CYLD: variants seen among roughly 807,000 people sequenced by gnomAD.
The protein encoded by CYLD is ubiquitin carboxyl-terminal hydrolase CYLD.
A neutral mutation model predicts 104.5 loss-of-function variants in CYLD; 26 were observed. The ratio of observed to expected loss-of-function variants is 0.25; its 90% CI spans 0.18 to 0.35. CYLD has a LOEUF of 0.35. CYLD is among the 10% of genes least tolerant of loss of function. CYLD has a pLI of 1.00. For missense variants in CYLD, 703 were observed against 1,136.1 expected, an observed-to-expected ratio of 0.62 and a Z score of 5.48; for synonymous variants, 385 against 399.9, an observed-to-expected ratio of 0.96 and a Z score of 0.45.
At position 50,796,491 on chromosome 16, in the gene CYLD, A is replaced by G; in HGVS notation, c.2854A>G (p.Met952Val). Residue 952 changes from methionine to valine, a missense_variant, in exon 19 of 19, where the codon ATG becomes GTG. By Grantham distance (21) the Met-to-Val change is conservative. Coordinates refer to ENST00000427738, the MANE Select transcript of CYLD (RefSeq NM_001378743.1). ...AYMCMYQSPT[M>V]SLYK ...TATGTGCATGTACCAGAGTCCAACAATGAGTTTGTACAAATAACTGGGGTC... is the reference window on the plus strand; with the variant it reads ...TATGTGCATGTACCAGAGTCCAACAGTGAGTTTGTACAAATAACTGGGGTC... 1 of 1,613,526 alleles carries G rather than the reference A, an allele frequency of 6.2e-7. No homozygotes were observed. The highest frequency in any genetic ancestry group is 8.5e-7 in the Non-Finnish European group (1 of 1,180,000).
At position 50,799,163 on chromosome 16, in the gene CYLD, T is replaced by TA. The variant is rs1355813698; in HGVS notation, c.*2656dup. On this transcript the variant is annotated 3_prime_UTR_variant, in exon 19 of 19. Coordinates refer to ENST00000427738, the MANE Select transcript of CYLD (RefSeq NM_001378743.1). ...CTATTTAAAGGTTTTGGTTATCTTT[T>TA]ATTCCTTATCTACAATCAAGATGAC... 1 of 233,334 alleles carries TA rather than the reference T, an allele frequency of 4.3e-6. No homozygotes were observed. The highest frequency in any genetic ancestry group is 8.5e-6 in the Non-Finnish European group (1 of 118,070). 14.5% of individuals were successfully genotyped at this position (233,334 alleles called of 1,614,324 possible).
chr16:50,749,712 T>A lies in CYLD; in HGVS notation c.14T>A (p.Leu5Ter). The A allele has an allele frequency of 1.2e-6, 2 of 1,613,654 alleles. No homozygotes were observed. Among genetic ancestry groups the A allele is most frequent in the Non-Finnish European group, 1.7e-6 (2 of 1,179,968 alleles). The part of the protein sequence containing the change: MSSG[L>*]WSQEKVTSPY... ...GTTAATATCACAATGAGTTCAGGCT[T>A]ATGGAGCCAAGAAAAAGTCACTTCA... The change falls in exon 3 of 19, where the codon TTA (leucine) becomes TAA (stop). Residue 5 changes from leucine to a stop codon, truncating the protein, a stop_gained. Coordinates refer to ENST00000427738, the MANE Select transcript of CYLD (RefSeq NM_001378743.1). LOFTEE classifies it high-confidence loss of function.
intron 14 of CYLD, among the ~76,000 whole-genome samples, chr16:50,790,159 A>C (rs1971285277): frequency 6.6e-6 from 1 of 152,260 alleles, no homozygotes; most frequent in African/African-American, 2.4e-5. Context: ...GAATAAAAAT[A>C]TTCAGAATTT....
intron 5 of CYLD, among the ~76,000 whole-genome samples, chr16:50,771,482 T>C (rs1186211466): frequency 1.3e-5 from 2 of 152,208 alleles, no homozygotes; most frequent in African/African-American, 4.8e-5. Flanking sequence ...ATACAAGTTA[T>C]TCTGTGGACA....
At chr16:50,762,044 G>A (rs908411163) in intron 5 of CYLD, among the ~76,000 whole-genome samples, 6 of 152,042 alleles carry the variant, frequency 3.9e-5, no homozygotes, top group Non-Finnish European at 7.4e-5. Context: ...TATTCATGGG[G>A]TACAAGTGTA....
In CYLD at chr16:50,794,618, TG is replaced by T. The variant is rs752808211; in HGVS notation, c.2686+191del. ...AGCTGAACTAAGGAATAATATGCTG[TG>T]TTTTTTTTTTTCCTTTTTTGAGATG... On this transcript the variant is annotated intron_variant, in intron 18 of 18. Coordinates refer to ENST00000427738, the MANE Select transcript of CYLD (RefSeq NM_001378743.1). The surrounding 1 kb of genome is among the most constrained non-coding windows in gnomAD (Gnocchi z 4.1). 1.3e-4 allele frequency: 75 copies of T among 586,410 alleles called. No individual in the cohort carries two copies. The African/African-American group carries it at 2.3e-3, about 18-fold the overall frequency. The allele number at this position is 586,410 out of a possible 1,614,324, so 36.3% of individuals were successfully genotyped here.
chr16:50,791,718 A>C, intron 15 of CYLD, 28 bp downstream of exon 15: 1 of 1,612,468 alleles, frequency 6.2e-7, no homozygotes. Context: ...GTGGTATTTT[A>C]TGTGAAAGTC....
chr16:50,774,517 C>T (rs992593817), intron 5 of CYLD, among the ~76,000 whole-genome samples: 5 of 152,146 alleles, frequency 3.3e-5, no homozygotes, highest in South Asian at 2.1e-4. Context: ...CATCACTACT[C>T]GTGTACTTCA....
At chr16:50,778,635 A>G (rs1283249030) in intron 8 of CYLD, among the ~76,000 whole-genome samples, 2 of 152,206 alleles carry the variant, frequency 1.3e-5, no homozygotes, top group African/African-American at 2.4e-5. Context: ...GGGAGAAGAA[A>G]TAGCATAGGG....
intron 5 of CYLD, among the ~76,000 whole-genome samples, chr16:50,755,351 G>A (rs1967095391): frequency 6.6e-6 from 1 of 152,058 alleles, no homozygotes; most frequent in Non-Finnish European, 1.5e-5. Flanking sequence ...GCATGTGCAA[G>A]TATCTTTTTC....
intron 11 of CYLD, 27 bp from the exon 12 acceptor site, chr16:50,784,302 A>G: frequency 6.2e-7 from 1 of 1,611,102 alleles, no homozygotes. Flanking sequence ...TTACAGCATG[A>G]AGAAAATTAT....
intron 5 of CYLD, among the ~76,000 whole-genome samples, chr16:50,755,182 T>TA (rs1567427511): frequency 6.9e-6 from 1 of 145,094 alleles, no homozygotes; most frequent in African/African-American, 2.6e-5. Context: ...TGTGTGTGTA[T>TA]ATACACACGT....
At position 50,794,090 on chromosome 16, in the gene CYLD, G is replaced by T. The variant is rs1971726388; in HGVS notation, c.2470-122G>T. 3.4e-6 allele frequency: 3 copies of T among 894,320 alleles called. No homozygotes were observed. The allele number at this position is 894,320 out of a possible 1,614,324, so 55.4% of individuals were successfully genotyped here. A position where few individuals can be genotyped will look rare whatever the true frequency, so the allele number is the denominator to read the frequency against. ...CTGCAGGCGCCTGCCACCACGCCCA[G>T]CTAATTTTTGTATTTTTAACAGAGA... On this transcript the variant is annotated intron_variant, in intron 17 of 18. Coordinates refer to ENST00000427738, the MANE Select transcript of CYLD (RefSeq NM_001378743.1). This position sits in a 1 kb window ranked among gnomAD's most constrained non-coding sequence, Gnocchi z 4.1.
chr16:50,750,479 C>T (rs2150898814), intron 3 of CYLD, among the ~76,000 whole-genome samples: 2 of 152,256 alleles, frequency 1.3e-5, no homozygotes, highest in South Asian at 4.1e-4. Context: ...GATATGTTTC[C>T]AAGCTTAATA....
At position 50,751,585 on chromosome 16, in the gene CYLD, C is replaced by T. The variant is rs1966625076; in HGVS notation, c.505-19C>T. ...CGTCTTTCTATATCTATTTCTTTCC[C>T]TTCTCTCTTAAAAACTAGGAAGAAG... On this transcript the variant is annotated intron_variant, in intron 3 of 18. Coordinates refer to ENST00000427738, the MANE Select transcript of CYLD (RefSeq NM_001378743.1). 1.2e-6 allele frequency: 2 copies of T among 1,611,864 alleles called. No homozygotes were observed. Among genetic ancestry groups the T allele is most frequent in the East Asian group, 2.2e-5 (1 of 44,844 alleles).
At chr16:50,782,297 T>C (rs1970297746) in intron 10 of CYLD, 28 bp from the exon 11 acceptor site, 3 of 1,477,500 alleles carry the variant, frequency 2.0e-6, no homozygotes, top group East Asian at 2.3e-5. Flanking sequence ...ATTCTTTTCA[T>C]TTACTTTTTT....
intron 4 of CYLD, 121 bp downstream of exon 4, chr16:50,752,027 A>G (rs1966677607): frequency 2.8e-5 from 8 of 283,236 alleles, no homozygotes; most frequent in Non-Finnish European, 4.6e-5. Context: ...TGTATAGTTT[A>G]TATATATATG....
At chr16:50,772,612 G>A (rs1173314573) in intron 5 of CYLD, among the ~76,000 whole-genome samples, 1 of 152,150 alleles carries the variant, frequency 6.6e-6, no homozygotes, top group African/African-American at 2.4e-5. Flanking sequence ...TGAGCATTTA[G>A]GTTGTTTTCA....
rs1158277555 is a variant in CYLD at position 50,769,259 on chromosome 16, A to G, written c.914-5907A>G. The stretch of plus-strand genomic sequence containing the variant: ...CTGTTAACTTAAATAAAACCCCCAA[A>G]CCTTCCAAGCTGTGTTTCCAAAGTG... On this transcript the variant is annotated intron_variant, in intron 5 of 18. Transcript: ENST00000427738. Among the ~76,000 whole-genome samples, 7 of 152,084 alleles carry G rather than the reference A, an allele frequency of 4.6e-5. No individual in the cohort carries two copies. In the East Asian group the frequency reaches 1.4e-3, roughly 29 times the overall value.
Sources: allele counts gnomAD v4.1 joint callset (sites outside exome capture counted in the v4.1 genomes callset), GRCh38; gene constraint gnomAD v4.1.1; non-coding constraint Gnocchi (gnomAD v3.1); transcripts MANE v1.5; gene names NCBI Gene and HGNC (gene_info 2026-07-23, HGNC 2026-07-21).